Variants in CD163L1 observed in about 807,000 individuals in gnomAD.
CD163L1 encodes scavenger receptor cysteine-rich type 1 protein M160.
CD163L1 carries 124 observed loss-of-function variants against 165.4 expected under a neutral mutation model. The observed-to-expected ratio is 0.75, with a 90% CI of 0.65 to 0.87. The LOEUF is 0.87. Ranked by LOEUF, CD163L1 falls within the 40% of genes least tolerant of loss-of-function variation. CD163L1 has a pLI of 0.00. For missense variants in CD163L1, 1,525 were observed against 1,799.9 expected (o/e 0.85, Z 2.76); for synonymous variants, 585 against 662.2 (o/e 0.88, Z 1.79).
chr12:7,398,424 C>T lies in CD163L1; in HGVS notation c.1569G>A (p.Leu523=). The T allele has an allele frequency of 6.2e-7, 1 of 1,614,156 alleles. No individual in the cohort carries two copies. The highest frequency in any genetic ancestry group is 1.1e-5 in the South Asian group (1 of 91,078). ...TAAAATAGGTCATACCAAACACATG[C>T]AAAGGCTTTCCACATCCCAATTGTT... The part of the protein sequence containing the change: ...VCKQLGCGKP[L]HVFGMTYFKE... Residue 523 remains leucine, a synonymous_variant, in exon 7 of 20, where the codon TTG becomes TTA. Coordinates refer to ENST00000313599, the MANE Select transcript of CD163L1 (RefSeq NM_174941.6). The surrounding 1 kb of genome is among the most constrained non-coding windows in gnomAD (Gnocchi z 4.5).
intron 4 of CD163L1, among the ~76,000 whole-genome samples, chr12:7,415,908 T>C (rs1383570259): frequency 6.6e-6 from 1 of 152,180 alleles, no homozygotes; most frequent in African/African-American, 2.4e-5. Context: ...ATCTTTATAG[T>C]AGAATGATTT....
At chr12:7,383,851 G>A (rs925246514) in intron 8 of CD163L1, among the ~76,000 whole-genome samples, 1 of 151,938 alleles carries the variant, frequency 6.6e-6, no homozygotes, top group Non-Finnish European at 1.5e-5. Context: ...AAATATGAAA[G>A]CAACGATTTT....
intron 19 of CD163L1, 138 bp downstream of exon 19, chr12:7,357,240 CAT>C: frequency 1.8e-6 from 1 of 557,436 alleles, no homozygotes; most frequent in Non-Finnish European, 3.2e-6. Context: ...CAGAGGTTAA[CAT>C]AGAATATTTG....
intron 1 of CD163L1, among the ~76,000 whole-genome samples, chr12:7,443,567 A>G (rs2136660035): frequency 6.6e-6 from 1 of 152,324 alleles, no homozygotes; most frequent in South Asian, 2.1e-4. Flanking sequence ...TTGCTTTATT[A>G]AAATTTATAG....
intron 8 of CD163L1, among the ~76,000 whole-genome samples, chr12:7,381,965 T>C (rs780809802): frequency 1.2e-3 from 182 of 148,858 alleles, no homozygotes; most frequent in African/African-American, 4.3e-3. Context: ...TAAAAAAATA[T>C]ATATTTATAT....
At chr12:7,379,749 C>A (rs1947345707) in intron 8 of CD163L1, among the ~76,000 whole-genome samples, 1 of 151,796 alleles carries the variant, frequency 6.6e-6, no homozygotes. Context: ...ATTACCAAAT[C>A]CAGAAAAATG....
chr12:7,393,015 C>G (rs1237727464), intron 8 of CD163L1, among the ~76,000 whole-genome samples: 1 of 152,160 alleles, frequency 6.6e-6, no homozygotes, highest in Admixed American at 6.6e-5. Context: ...TGGTACCATT[C>G]TTTCCGAAAC....
At chr12:7,438,637 T>C (rs1948771693) in intron 2 of CD163L1, 1 of 487,748 alleles carries the variant, frequency 2.1e-6, no homozygotes, top group Admixed American at 3.8e-5. Flanking sequence ...TAAGCTGCAG[T>C]GTCCAAGAGC....
intron 1 of CD163L1, among the ~76,000 whole-genome samples, chr12:7,442,792 G>C (rs894250986): frequency 2.6e-5 from 4 of 152,126 alleles, no homozygotes; most frequent in African/African-American, 9.7e-5. Context: ...GAAACTCTGA[G>C]TGCCCATTTG....
intron 4 of CD163L1, among the ~76,000 whole-genome samples, chr12:7,421,695 ATGTATG>A (rs1240788748): frequency 8.3e-5 from 12 of 144,564 alleles, no homozygotes; most frequent in Admixed American, 2.9e-4. Flanking sequence ...ATATACATAT[ATGTATG>A]TGTACATAAA....
At chr12:7,441,899 T>A (rs942197567) in intron 1 of CD163L1, among the ~76,000 whole-genome samples, 2 of 152,198 alleles carry the variant, frequency 1.3e-5, no homozygotes, top group African/African-American at 4.8e-5. Flanking sequence ...TCTCCCTGTC[T>A]TTTCAGTCAT....
At chr12:7,338,993 T>A in the CD163L1 span, among the ~76,000 whole-genome samples, 1 of 152,146 alleles carries the variant, frequency 6.6e-6, no homozygotes. Context: ...TTACTTGAGA[T>A]AGACCAGCAC....
At chr12:7,413,989 A>G (rs896837924) in intron 4 of CD163L1, among the ~76,000 whole-genome samples, 7 of 152,170 alleles carry the variant, frequency 4.6e-5, no homozygotes, top group Non-Finnish European at 4.4e-5. Context: ...TTTCCAAAGC[A>G]TCAGTAAAGA....
chr12:7,320,854 A>C, the CD163L1 span: 1 of 1,446,706 alleles, frequency 6.9e-7, no homozygotes, highest in East Asian at 2.3e-5. Context: ...GCTACCATCC[A>C]GGATCACAGA....
chr12:7,344,797 T>C (rs752932380), downstream of CD163L1, among the ~76,000 whole-genome samples: 1 of 152,372 alleles, frequency 6.6e-6, no homozygotes, highest in African/African-American at 2.4e-5. Flanking sequence ...TAAAACCACA[T>C]GGAAGGCACC....
At chr12:7,403,503 A>T in intron 6 of CD163L1, 32 bp downstream of exon 6, 1 of 1,558,658 alleles carries the variant, frequency 6.4e-7, no homozygotes, top group East Asian at 2.3e-5. Flanking sequence ...AAAAATTCAA[A>T]TGTGTACACT....
At chr12:7,337,802 C>A in the CD163L1 span, among the ~76,000 whole-genome samples, 2 of 152,192 alleles carry the variant, frequency 1.3e-5, no homozygotes, top group Non-Finnish European at 2.9e-5. Flanking sequence ...TTTGATCCAG[C>A]AATCCCATTA....
chr12:7,380,787 CTT>C (rs1262144986), intron 8 of CD163L1, among the ~76,000 whole-genome samples: 1 of 151,984 alleles, frequency 6.6e-6, no homozygotes, highest in African/African-American at 2.4e-5. Flanking sequence ...AAATAAAAAA[CTT>C]TTTAAAAAAG....
intron 8 of CD163L1, among the ~76,000 whole-genome samples, chr12:7,380,390 T>TGCGTATACATACATGTATGTGTGTATAC (rs1947372299): frequency 2.4e-5 from 1 of 41,404 alleles, no homozygotes; most frequent in Non-Finnish European, 8.3e-5. Context: ...TGTGTGTATA[T>TGCGTATACATACATGTATGTGTGTATAC]GCGTATACAC....
Sources: allele counts gnomAD v4.1 joint callset (sites outside exome capture counted in the v4.1 genomes callset), GRCh38; gene constraint gnomAD v4.1.1; non-coding constraint Gnocchi (gnomAD v3.1); transcripts MANE v1.5; gene names NCBI Gene and HGNC (gene_info 2026-07-23, HGNC 2026-07-21).